The following CAPN12 variants were observed in gnomAD, a reference collection of about 807,000 sequenced individuals.
CAPN12 encodes the protein calpain 12.
CAPN12 carries 107 observed loss-of-function variants against 95.0 expected under a neutral mutation model. The ratio of observed to expected loss-of-function variants is 1.13; its 90% confidence interval spans 0.96 to 1.32. The LOEUF (loss-of-function observed/expected upper bound fraction) is 1.32. Ranked by LOEUF, CAPN12 falls within the 40% of genes most tolerant of loss-of-function variation. The pLI, the probability that CAPN12 is intolerant of heterozygous loss-of-function variation, is 0.00. For synonymous variants in CAPN12, 505 were observed against 415.5 expected (o/e 1.22, Z -2.62); for missense variants, 1,136 against 997.8 (o/e 1.14, Z -1.87).
intron 18 of CAPN12, chr19:38,733,329 T>G (rs561862564): frequency 1.9e-5 from 4 of 215,582 alleles, no homozygotes; most frequent in Non-Finnish European, 3.7e-5. Flanking sequence ...CTGGAGTCAG[T>G]AGAGTGAGGA....
chr19:38,733,951 G>A (rs996777979), intron 17 of CAPN12, 170 bp from the exon 18 acceptor site: 5 of 789,334 alleles, frequency 6.3e-6, no homozygotes, highest in Middle Eastern at 2.8e-4. Flanking sequence ...CTGTAAAATG[G>A]GAATAAGAGC....
At chr19:38,735,650 T>A (rs937672289) in intron 12 of CAPN12, 106 bp from the exon 13 acceptor site, 1 of 876,394 alleles carries the variant, frequency 1.1e-6, no homozygotes, top group Non-Finnish European at 1.7e-6. Flanking sequence ...GTAGGGACCG[T>A]GGAGCCCTGG....
chr19:38,741,443 C>T lies in CAPN12; in HGVS notation c.560+334G>A, dbSNP rs143427731. On this transcript the variant is annotated intron_variant, in intron 4 of 20. Coordinates refer to ENST00000328867, the MANE Select transcript of CAPN12 (RefSeq NM_144691.4). Reference sequence around the variant, plus strand: ...TAAAAATTAGCCAGGCATGGTGGTGCGCTCCTGTAATCCCAGCTAGTCGGG... The same window carrying T: ...TAAAAATTAGCCAGGCATGGTGGTGTGCTCCTGTAATCCCAGCTAGTCGGG... Among the ~76,000 whole-genome samples, 30 of 152,148 alleles carry T rather than the reference C, an allele frequency of 2.0e-4. No individual in the cohort carries two copies. In the South Asian group the frequency reaches 3.5e-3, roughly 18 times the overall value.
chr19:38,732,431 A>G (rs1263753211), intron 18 of CAPN12, among the ~76,000 whole-genome samples: 1 of 152,156 alleles, frequency 6.6e-6, no homozygotes. Context: ...TCCCGGGTTC[A>G]AGAGATTCTC....
intron 2 of CAPN12, 48 bp from the exon 3 acceptor site, chr19:38,742,576 G>T (rs1970613563): frequency 2.2e-6 from 3 of 1,360,774 alleles, no homozygotes; most frequent in African/African-American, 1.4e-5. Flanking sequence ...AGGGAGGCCT[G>T]GTGCGGTGGC....
rs756672339 is a variant in CAPN12, at chr19:38,737,215, G to C, written c.1303C>G (p.Arg435Gly). Residue 435 changes from arginine to glycine, a missense_variant, in exon 10 of 21, where the codon CGG (arginine) becomes GGG (glycine). Coordinates refer to ENST00000328867, the MANE Select transcript of CAPN12 (RefSeq NM_144691.4). ...TVLLSLIQRN[R>G]RRLRAKGLTY... ...AGGCCCTTGGCTCTCAGGCGCCGCC[G>C]GTTGCGCTGGATGAGGGACAGAAGG... The C allele has an allele frequency of 4.5e-6, 7 of 1,550,452 alleles. No individual in the cohort carries two copies. In the African/African-American group the frequency reaches 8.2e-5, roughly 18 times the overall value.
intron 17 of CAPN12, 154 bp downstream of exon 17, chr19:38,733,988 G>A: frequency 3.5e-6 from 3 of 857,884 alleles, no homozygotes; most frequent in Non-Finnish European, 5.4e-6. Context: ...AGCTGAGGCT[G>A]GGTGGGGGCA....
At chr19:38,739,964 C>G (rs1458500910) in intron 5 of CAPN12, 87 bp downstream of exon 5, 8 of 1,343,084 alleles carry the variant, frequency 6.0e-6, no homozygotes, top group East Asian at 2.5e-5. Context: ...AAGCAGAGAA[C>G]AGAGGAAGCA....
intron 1 of CAPN12, among the ~76,000 whole-genome samples, chr19:38,743,551 C>CTT: frequency 9.1e-6 from 1 of 110,140 alleles, no homozygotes; most frequent in Non-Finnish European, 2.1e-5. Context: ...AGTCCAGGTC[C>CTT]AGCCCCTCCT....
Position 38,731,148 on chromosome 19 carries a change from T to A in CAPN12, c.2033A>T (p.Glu678Val), listed in dbSNP as rs2145134879. 1 of 1,612,904 alleles carries A rather than the reference T, an allele frequency of 6.2e-7. No individual in the cohort carries two copies. The highest frequency in any genetic ancestry group is 1.1e-5 in the South Asian group (1 of 91,058). Residue 678 changes from glutamate to valine, a missense_variant, in exon 19 of 21, where the codon GAG becomes GTG. Coordinates refer to ENST00000328867, the MANE Select transcript of CAPN12 (RefSeq NM_144691.4). The part of the protein sequence containing the change: ...YRDSRLRVDF[E>V]RFVSCVAHLT... ...GTGGGCCACACAGGACACGAACCGC[T>A]CGAAGTCCACACGCAGACGGCTATC...
At chr19:38,735,301 G>A (rs1234664439) in intron 14 of CAPN12, 69 bp downstream of exon 14, 3 of 1,437,484 alleles carry the variant, frequency 2.1e-6, no homozygotes, top group Admixed American at 2.3e-5. Context: ...AGATGCTGGG[G>A]TGGGGGAAGG....
chr19:38,737,259 C>T lies in CAPN12; in HGVS notation c.1259G>A (p.Arg420His), dbSNP rs1009817009. The change falls in exon 10 of 21, where the codon CGC becomes CAC. Residue 420 changes from arginine (R) to histidine (H), a missense_variant. Coordinates refer to ENST00000328867, the MANE Select transcript of CAPN12 (RefSeq NM_144691.4). ...CAGAAGGACCGTGCACTTGGGCGTGCGGCCCCCCCGCGCTGGGCCCCGTGC... is the reference window on the plus strand; with the variant it reads ...CAGAAGGACCGTGCACTTGGGCGTGTGGCCCCCCCGCGCTGGGCCCCGTGC... ...AGARGPARGG[R>H]TPKCTVLLSL... 6.5e-6 allele frequency: 10 copies of T among 1,549,688 alleles called. No homozygotes were observed. Among genetic ancestry groups the T allele is most frequent in the Non-Finnish European group, 8.7e-6 (10 of 1,147,670 alleles).
Position 38,738,435 on chromosome 19 carries a change from C to G in CAPN12, c.873G>C (p.Thr291=). The change falls in exon 7 of 21, where the codon ACG becomes ACC. Residue 291 remains threonine, a synonymous_variant. Coordinates refer to ENST00000328867, the MANE Select transcript of CAPN12 (RefSeq NM_144691.4). ...LRNPWGCVEW[T]GAWSDSCPRW... is the part of the protein sequence containing the mutation. ...CATCCCACCTGTCGCTCCAGGCCCC[C>G]GTCCACTCCACGCAGCCCCATGGGT... 1 of 1,610,096 alleles carries G rather than the reference C, an allele frequency of 6.2e-7. No individual in the cohort carries two copies. The highest frequency in any genetic ancestry group is 1.1e-5 in the South Asian group (1 of 90,722).
Position 38,735,442 on chromosome 19 carries a change from GGAA to G in CAPN12, c.1627-16_1627-14del. ...GCAGGTAGGGGCCCTGCCGCATGGC[GGAA>G]GTTTAGCGCTGGCCAAGATCCCCGC... On this transcript the variant is annotated splice_polypyrimidine_tract_variant and intron_variant, in intron 13 of 20. Coordinates refer to ENST00000328867, the MANE Select transcript of CAPN12 (RefSeq NM_144691.4). The G allele has an allele frequency of 1.2e-6, 2 of 1,610,930 alleles. No homozygotes were observed. Among genetic ancestry groups the G allele is most frequent in the Non-Finnish European group, 1.7e-6 (2 of 1,179,076 alleles).
Position 38,730,562 on chromosome 19 carries a change from C to A in CAPN12, c.*290G>T. On this transcript the variant is annotated 3_prime_UTR_variant, in exon 21 of 21. Coordinates refer to ENST00000328867, the MANE Select transcript of CAPN12 (RefSeq NM_144691.4). ...GCAGCATCATCTTTTTTTATTTCTC[C>A]TGTGTCTGTCCTCCACCTTCTAGGA... 1 of 500,534 alleles carries A rather than the reference C, an allele frequency of 2.0e-6. No homozygotes were observed. The highest frequency in any genetic ancestry group is 3.6e-6 in the Non-Finnish European group (1 of 280,170). 31.0% of individuals were successfully genotyped at this position (500,534 alleles called of 1,614,324 possible).
chr19:38,733,821 T>TCTTCAGGGCATG, intron 17 of CAPN12, 40 bp from the exon 18 acceptor site: 1 of 1,538,440 alleles, frequency 6.5e-7, no homozygotes, highest in Non-Finnish European at 9.0e-7. Context: ...CTCCATGCCC[T>TCTTCAGGGCATG]GAAGAGGGCT....
rs768632949 is a variant in CAPN12 at position 38,742,386 on chromosome 19, A to G, written c.426+24T>C. The G allele has an allele frequency of 6.6e-6, 10 of 1,513,910 alleles. No homozygotes were observed. The Admixed American group carries it at 1.7e-4, about 25-fold the overall frequency. 93.8% of individuals were successfully genotyped at this position (1,513,910 alleles called of 1,614,324 possible). On this transcript the variant is annotated intron_variant, in intron 3 of 20. Coordinates refer to ENST00000328867, the MANE Select transcript of CAPN12 (RefSeq NM_144691.4). ...AAGTCACCATGGGGGAAACGGAGGCATGGGCAGAGGAACTGAGCTGTACCT... is the reference window on the plus strand; with the variant it reads ...AAGTCACCATGGGGGAAACGGAGGCGTGGGCAGAGGAACTGAGCTGTACCT...
chr19:38,734,539 AG>A (rs1245613524), intron 15 of CAPN12, 150 bp from the exon 16 acceptor site: 3 of 727,194 alleles, frequency 4.1e-6, no homozygotes, highest in Non-Finnish European at 6.6e-6. Context: ...TGCTGCGCCT[AG>A]CAGAGCTGGG....
At chr19:38,743,449 T>C (rs1458292178) in intron 1 of CAPN12, among the ~76,000 whole-genome samples, 2 of 53,854 alleles carry the variant, frequency 3.7e-5, no homozygotes, top group Admixed American at 2.1e-4. Context: ...GCCCAGCCCC[T>C]CCTCCCTCAG....
Sources: allele counts gnomAD v4.1 joint callset (sites outside exome capture counted in the v4.1 genomes callset), GRCh38; gene constraint gnomAD v4.1.1; transcripts MANE v1.5; gene names NCBI Gene and HGNC (gene_info 2026-07-23, HGNC 2026-07-21).